The following MALRD1 variants were observed in gnomAD, a reference collection of about 807,000 sequenced individuals.
MALRD1 encodes the protein MAM and LDL receptor class A domain containing 1.
MALRD1 carries 247 observed loss-of-function variants against 242.1 expected under a neutral mutation model. That is an observed-to-expected ratio of 1.02 (90% CI 0.92 to 1.13). The LOEUF is 1.13. MALRD1 is among the 50% of genes most tolerant of loss of function. MALRD1 has a pLI of 0.00. For synonymous variants in MALRD1, 995 were observed against 866.6 expected (o/e 1.15, Z -2.60); for missense variants, 2,989 against 2,533.1 (o/e 1.18, Z -3.86).
chr10:19,706,109 G>T (rs1833853590), intron 38 of MALRD1, among the ~76,000 whole-genome samples: 1 of 152,150 alleles, frequency 6.6e-6, no homozygotes, highest in African/African-American at 2.4e-5. Flanking sequence ...TTTGGATTGA[G>T]ATCTGAAGGA....
chr10:19,592,587 TG>T (rs1446146175), intron 33 of MALRD1, among the ~76,000 whole-genome samples: 1 of 152,158 alleles, frequency 6.6e-6, no homozygotes, highest in Admixed American at 6.5e-5. Context: ...ACAAGCCCAA[TG>T]GCGACCTTGA....
chr10:19,402,459 C>G (rs1447861229), intron 28 of MALRD1, among the ~76,000 whole-genome samples: 1 of 152,112 alleles, frequency 6.6e-6, no homozygotes, highest in Non-Finnish European at 1.5e-5. Flanking sequence ...AGCACAAGCT[C>G]TCCTGCCTGC....
At chr10:19,106,715 G>A (rs1836477719) in intron 5 of MALRD1, among the ~76,000 whole-genome samples, 1 of 151,678 alleles carries the variant, frequency 6.6e-6, no homozygotes, top group Admixed American at 6.6e-5. Context: ...ATTCCTTGAA[G>A]TACACATTAG....
Position 19,450,349 on chromosome 10 carries a change from A to G in MALRD1, c.4888A>G (p.Asn1630Asp). 2.6e-6 allele frequency: 4 copies of G among 1,549,490 alleles called. No homozygotes were observed. Among genetic ancestry groups the G allele is most frequent in the Non-Finnish European group, 3.5e-6 (4 of 1,146,942 alleles). The change falls in exon 29 of 40, where the codon AAC becomes GAC. Residue 1630 changes from asparagine to aspartate, a missense_variant. By Grantham distance (23) the Asn-to-Asp change is conservative. Transcript: ENST00000454679. ...LSKVWQESKQ[N>D]PGNHWQKADI... ...AAAAGTATGGCAAGAAAGTAAGCAG[A>G]ACCCTGGTAATCATTGGCAAAAGGC...
intron 36 of MALRD1, among the ~76,000 whole-genome samples, chr10:19,638,942 G>A (rs1840266956): frequency 6.6e-6 from 1 of 152,004 alleles, no homozygotes; most frequent in South Asian, 2.1e-4. Context: ...GAAGCCTCAT[G>A]AATACTAAGT....
chr10:19,245,877 A>G (rs952799281), intron 18 of MALRD1, among the ~76,000 whole-genome samples: 1 of 152,184 alleles, frequency 6.6e-6, no homozygotes, highest in Admixed American at 6.5e-5. Flanking sequence ...ATTTCTTGAG[A>G]TGAGTTGTAA....
intron 35 of MALRD1, among the ~76,000 whole-genome samples, chr10:19,612,593 A>G (rs528058146): frequency 6.6e-6 from 1 of 151,884 alleles, no homozygotes; most frequent in East Asian, 2.0e-4. Context: ...TGCTATAAAG[A>G]CATACCTGAG....
chr10:19,124,020 A>G lies in MALRD1; in HGVS notation c.796+427A>G, dbSNP rs183500404. Among the ~76,000 whole-genome samples, 107 of 150,268 alleles carry G rather than the reference A, an allele frequency of 7.1e-4. 1 individual carries two copies. Among genetic ancestry groups the G allele is most frequent in the African/African-American group, 2.2e-3 (88 of 40,748 alleles). The stretch of plus-strand genomic sequence containing the variant: ...CAAGAGCTCAAAATTAGCCTGGGCA[A>G]TATAGCAAGATGTCATCTCTACCAA... On this transcript the variant is annotated intron_variant, in intron 6 of 39. Coordinates refer to ENST00000454679, the MANE Select transcript of MALRD1 (RefSeq NM_001142308.3).
intron 28 of MALRD1, among the ~76,000 whole-genome samples, chr10:19,444,161 GT>G (rs1834828119): frequency 6.6e-6 from 1 of 151,824 alleles, no homozygotes; most frequent in South Asian, 2.1e-4. Flanking sequence ...CATTTGCTTG[GT>G]AGATCTTCCT....
At chr10:19,695,065 C>A (rs924494002) in intron 38 of MALRD1, among the ~76,000 whole-genome samples, 4 of 152,036 alleles carry the variant, frequency 2.6e-5, no homozygotes, top group African/African-American at 9.7e-5. Context: ...CACACCGGGG[C>A]CTGTCATGGG....
intron 21 of MALRD1, chr10:19,290,105 G>C (rs1564533788): frequency 6.6e-6 from 1 of 152,096 alleles, no homozygotes; most frequent in Non-Finnish European, 1.5e-5. Context: ...TCTTAGGCAA[G>C]GTCTTAAAAT....
intron 26 of MALRD1, among the ~76,000 whole-genome samples, chr10:19,369,025 A>G (rs1013684145): frequency 5.4e-5 from 8 of 148,342 alleles, no homozygotes; most frequent in Admixed American, 4.8e-4. Context: ...TGTTAAACAG[A>G]CAAATAGATA....
intron 36 of MALRD1, among the ~76,000 whole-genome samples, chr10:19,647,466 G>A (rs545523280): frequency 1.3e-5 from 2 of 152,270 alleles, no homozygotes; most frequent in Admixed American, 6.5e-5. Flanking sequence ...TGCACTTGAA[G>A]AGGAATAGGA....
intron 38 of MALRD1, among the ~76,000 whole-genome samples, chr10:19,700,019 T>TATAC (rs1336233122): frequency 1.0e-4 from 12 of 119,508 alleles, no homozygotes; most frequent in African/African-American, 4.4e-4. Context: ...GAAATTGATT[T>TATAC]AGACACACAC....
At position 19,136,587 on chromosome 10, in the gene MALRD1, G is replaced by A; in HGVS notation, c.1217G>A (p.Gly406Glu). 1 of 1,230,812 alleles carries A rather than the reference G, an allele frequency of 8.1e-7. No homozygotes were observed. Among genetic ancestry groups the A allele is most frequent in the Non-Finnish European group, 1.0e-6 (1 of 987,270 alleles). 76.2% of individuals were successfully genotyped at this position (1,230,812 alleles called of 1,614,324 possible). A position where few individuals can be genotyped will look rare whatever the true frequency, so the allele number is the denominator to read the frequency against. Residue 406 changes from glycine to glutamate, a missense_variant, in exon 10 of 40, where the codon GGG becomes GAG. Coordinates refer to ENST00000454679, the MANE Select transcript of MALRD1 (RefSeq NM_001142308.3). ...DLKTFKIIFE[G>E]TLLSQRSFIA... is the part of the protein sequence containing the mutation. ...TCCTTCCTAAAGATTATTTTTGAAG[G>A]GACTCTTTTGAGCCAGAGAAGTTTT... is the stretch of plus-strand genomic sequence containing the variant.
In MALRD1 at chr10:19,335,799, G is replaced by GA. The variant is rs758976358; in HGVS notation, c.3901+4223dup. Among the ~76,000 whole-genome samples the GA allele has an allele frequency of 4.6e-5, 7 of 152,138 alleles. No individual in the cohort carries two copies. The East Asian group carries it at 9.7e-4, about 21-fold the overall frequency. On this transcript the variant is annotated intron_variant, in intron 24 of 39. Transcript: ENST00000454679. ...CTAAAGATATAAAACATTTCATGGA[G>GA]AAAAAATTTTTTTTTATTATTATAC...
chr10:19,201,905 T>G (rs1032435576), intron 14 of MALRD1, among the ~76,000 whole-genome samples: 1 of 152,106 alleles, frequency 6.6e-6, no homozygotes, highest in Non-Finnish European at 1.5e-5. Flanking sequence ...AACCTCAGCC[T>G]CCCAGATTCA....
chr10:19,588,246 C>T (rs1188263264), intron 33 of MALRD1, among the ~76,000 whole-genome samples: 2 of 152,102 alleles, frequency 1.3e-5, no homozygotes, highest in East Asian at 1.9e-4. Flanking sequence ...AAGCATTCTT[C>T]AGTTCGTCCA....
intron 1 of MALRD1, among the ~76,000 whole-genome samples, chr10:19,055,382 T>C (rs1340004898): frequency 6.6e-6 from 1 of 152,210 alleles, no homozygotes; most frequent in Non-Finnish European, 1.5e-5. Flanking sequence ...TCATCTTTGC[T>C]GTGCAGAAGC....
Sources: gnomAD v4.1 joint callset for allele counts (sites outside exome capture counted in the v4.1 genomes callset) on GRCh38, gnomAD v4.1.1 for gene constraint, MANE v1.5 for transcripts, NCBI Gene and HGNC (gene_info 2026-07-23, HGNC 2026-07-21) for gene names.